The following NCAM1 variants were observed in gnomAD, a reference collection of about 807,000 sequenced individuals.
NCAM1 encodes the protein neural cell adhesion molecule 1, also known as antigen recognized by monoclonal antibody 5.1H11.
In NCAM1, 14 loss-of-function variants were observed where a neutral mutation model predicts 109.8. That is an observed-to-expected ratio of 0.13 (90% CI 0.08 to 0.20). The LOEUF is 0.20. Among genes scored for constraint, NCAM1 ranks in the 10% least tolerant of loss-of-function variants. The pLI is 1.00. For synonymous variants in NCAM1, 418 were observed against 442.9 expected (o/e 0.94, Z 0.70); for missense variants, 774 against 1,109.9 (o/e 0.70, Z 4.30).
intron 1 of NCAM1, among the ~76,000 whole-genome samples, chr11:113,087,126 G>C (rs1437168182): frequency 6.6e-6 from 1 of 152,188 alleles, no homozygotes; most frequent in Non-Finnish European, 1.5e-5. Context: ...TTATATTCTA[G>C]TTATTCTTTC....
intron 15 of NCAM1, among the ~76,000 whole-genome samples, chr11:113,248,659 C>T (rs1471807465): frequency 1.3e-5 from 2 of 152,140 alleles, no homozygotes; most frequent in Non-Finnish European, 2.9e-5. Context: ...AGAAAACTGC[C>T]TGGGATATGC....
chr11:113,152,642 T>A (rs1191722652), intron 1 of NCAM1, among the ~76,000 whole-genome samples: 3 of 152,236 alleles, frequency 2.0e-5, no homozygotes, highest in African/African-American at 7.2e-5. Context: ...CATGGAGCAT[T>A]TGTAACTGTT....
intron 1 of NCAM1, among the ~76,000 whole-genome samples, chr11:113,019,793 G>A (rs143179877): frequency 1.1e-4 from 16 of 152,084 alleles, no homozygotes; most frequent in East Asian, 1.9e-4. Context: ...CTTTCCCTTC[G>A]CTTCCCTCCC....
chr11:112,991,894 C>T (rs927708808), intron 1 of NCAM1, among the ~76,000 whole-genome samples: 1 of 152,066 alleles, frequency 6.6e-6, no homozygotes, highest in Non-Finnish European at 1.5e-5. Flanking sequence ...CATCTGTTTC[C>T]TGCCTCATTT....
At chr11:113,146,051 C>A (rs898277608) in intron 1 of NCAM1, among the ~76,000 whole-genome samples, 3 of 152,140 alleles carry the variant, frequency 2.0e-5, no homozygotes, top group Non-Finnish European at 4.4e-5. Flanking sequence ...AAAATATTTG[C>A]TGTGAAAAAT....
rs145493999 is a variant in NCAM1, at chr11:112,961,554, A to AGGG, written c.-51_-49dup. ...CTCAGCCGCCGTCCACACTCGCTGC[A>AGGG]GGGGGGGGGGCACAGAATTTACCGC... On this transcript the variant is annotated 5_prime_UTR_variant, in exon 1 of 20. Transcript: ENST00000316851. 2.4e-5 allele frequency: 23 copies of AGGG among 942,564 alleles called. No individual in the cohort carries two copies. In the Admixed American group the frequency reaches 3.3e-4, roughly 13 times the overall value. The allele number at this position is 942,564 out of a possible 1,614,324, so 58.4% of individuals were successfully genotyped here. A position where few individuals can be genotyped will look rare whatever the true frequency, so the allele number is the denominator to read the frequency against.
intron 1 of NCAM1, among the ~76,000 whole-genome samples, chr11:113,169,091 T>C (rs1555105774): frequency 6.6e-6 from 1 of 151,196 alleles, no homozygotes; most frequent in Non-Finnish European, 1.5e-5. Context: ...TGTGTCTTTG[T>C]TTTTTGCACA....
chr11:113,192,020 C>T (rs1323537819), intron 1 of NCAM1, among the ~76,000 whole-genome samples: 2 of 152,206 alleles, frequency 1.3e-5, no homozygotes, highest in Non-Finnish European at 2.9e-5. Flanking sequence ...AAGAATAAAA[C>T]ATCTGCAAAC....
intron 1 of NCAM1, among the ~76,000 whole-genome samples, chr11:113,170,104 A>G (rs1555105965): frequency 6.6e-6 from 1 of 152,158 alleles, no homozygotes; most frequent in Non-Finnish European, 1.5e-5. Flanking sequence ...TCGTTTGACA[A>G]TTGCCAGATT....
chr11:112,968,575 T>G (rs1056058199), intron 1 of NCAM1, among the ~76,000 whole-genome samples: 1 of 152,234 alleles, frequency 6.6e-6, no homozygotes, highest in Non-Finnish European at 1.5e-5. Context: ...TGCTGGGTGC[T>G]GGGAATACAG....
intron 1 of NCAM1, among the ~76,000 whole-genome samples, chr11:113,190,975 T>G (rs940548909): frequency 6.6e-6 from 1 of 151,944 alleles, no homozygotes; most frequent in Non-Finnish European, 1.5e-5. Context: ...CTGCAGGGAG[T>G]GGGGGCAGAA....
At position 113,185,068 on chromosome 11, in the gene NCAM1, T is replaced by TTATATA. The variant is rs148340673; in HGVS notation, c.53-17304_53-17299dup. On this transcript the variant is annotated intron_variant, in intron 1 of 19. Coordinates refer to ENST00000316851, the MANE Select transcript of NCAM1 (RefSeq NM_181351.5). ...TATGTGTATGTGTGTGCATTTATAT[T>TTATATA]TATATATATATAGAGAGAGAGAGAG... Among the ~76,000 whole-genome samples the TTATATA allele has an allele frequency of 3.1e-3, 306 of 99,584 alleles. 4 individuals carry two copies. The highest frequency in any genetic ancestry group is 7.2e-3 in the African/African-American group (173 of 24,020). 65.3% of individuals were successfully genotyped at this position (99,584 alleles called of 152,430 possible). A position where few individuals can be genotyped will look rare whatever the true frequency, so the allele number is the denominator to read the frequency against.
At chr11:113,050,742 T>C (rs933614969) in intron 1 of NCAM1, among the ~76,000 whole-genome samples, 12 of 152,222 alleles carry the variant, frequency 7.9e-5, no homozygotes, top group African/African-American at 2.7e-4. Context: ...TTTTTTAAAC[T>C]TGGGTTAATG....
chr11:113,113,984 A>C (rs1940566718), intron 1 of NCAM1, among the ~76,000 whole-genome samples: 2 of 152,198 alleles, frequency 1.3e-5, no homozygotes, highest in Admixed American at 1.3e-4. Context: ...GAAAGGGCTA[A>C]CAATCTGCTT....
chr11:112,966,399 G>A (rs529044437), intron 1 of NCAM1, among the ~76,000 whole-genome samples: 1 of 152,302 alleles, frequency 6.6e-6, no homozygotes, highest in East Asian at 1.9e-4. Flanking sequence ...TTAGGAAGGA[G>A]GAAATGTCCA....
At chr11:113,130,936 ACT>A (rs1941359925) in intron 1 of NCAM1, 1 of 152,042 alleles carries the variant, frequency 6.6e-6, no homozygotes, top group African/African-American at 2.4e-5. Context: ...GTTCATAGTA[ACT>A]CTCTCCTTGC....
At chr11:113,235,366 A>G in intron 14 of NCAM1, 2 of 1,175,044 alleles carry the variant, frequency 1.7e-6, no homozygotes, top group East Asian at 2.4e-5. Flanking sequence ...TCTTTCTCCA[A>G]GGGGTTGGGG....
rs1951103552 is a variant in NCAM1, at chr11:112,979,752, T to C, written c.52+18088T>C. Among the ~76,000 whole-genome samples, 5 of 151,828 alleles carry C rather than the reference T, an allele frequency of 3.3e-5. No homozygotes were observed. In the South Asian group the frequency reaches 1.0e-3, roughly 31 times the overall value. On this transcript the variant is annotated intron_variant, in intron 1 of 19. Transcript: ENST00000316851. ...CTTGGGGTTGGGTGCAGAAGCTCAG[T>C]CTAAAACAATGGGCTCCCATAATTT...
At chr11:113,020,063 G>A (rs1406978114) in intron 1 of NCAM1, among the ~76,000 whole-genome samples, 1 of 152,094 alleles carries the variant, frequency 6.6e-6, no homozygotes, top group Non-Finnish European at 1.5e-5. Context: ...GCTTCTCAAG[G>A]ATCCTCCAAG....
Sources: allele counts gnomAD v4.1 joint callset (sites outside exome capture counted in the v4.1 genomes callset), GRCh38; gene constraint gnomAD v4.1.1; transcripts MANE v1.5; gene names NCBI Gene and HGNC (gene_info 2026-07-23, HGNC 2026-07-21).